Variants in EPC1 observed in about 807,000 individuals in gnomAD.
EPC1 encodes enhancer of polycomb 1, also known as enhancer of polycomb homolog 1.
A neutral mutation model predicts 98.4 loss-of-function variants in EPC1; 12 were observed. The ratio of observed to expected loss-of-function variants is 0.12; its 90% CI spans 0.08 to 0.20. The LOEUF (loss-of-function observed/expected upper bound fraction) is 0.20. Ranked by LOEUF, EPC1 falls within the 10% of genes least tolerant of loss-of-function variation. The pLI is 1.00. For synonymous variants in EPC1, 357 were observed against 363.9 expected, an observed-to-expected ratio of 0.98 and a Z score of 0.21; for missense variants, 729 against 990.5, an observed-to-expected ratio of 0.74 and a Z score of 3.54.
chr10:32,375,665 G>A (rs943954953), intron 1 of EPC1, among the ~76,000 whole-genome samples: 1 of 151,908 alleles, frequency 6.6e-6, no homozygotes, highest in Non-Finnish European at 1.5e-5. Context: ...CTCCATCAGA[G>A]GGATGGGCAG....
intron 1 of EPC1, among the ~76,000 whole-genome samples, chr10:32,316,021 C>A (rs1275850230): frequency 6.6e-6 from 1 of 152,178 alleles, no homozygotes; most frequent in Non-Finnish European, 1.5e-5. Context: ...CCCCTTTTCA[C>A]TCACTCTGCT....
At chr10:32,352,191 C>T (rs1839133605) in intron 1 of EPC1, among the ~76,000 whole-genome samples, 1 of 149,914 alleles carries the variant, frequency 6.7e-6, no homozygotes, top group African/African-American at 2.5e-5. Flanking sequence ...ACTACAGGCA[C>T]CTGCCACCAC....
intron 2 of EPC1, among the ~76,000 whole-genome samples, chr10:32,297,899 A>G (rs978714506): frequency 3.7e-4 from 56 of 151,810 alleles, no homozygotes; most frequent in African/African-American, 1.3e-3. Context: ...CCGGATTAAC[A>G]CCATTCTCCT....
At chr10:32,336,374 C>T (rs11008885) in intron 1 of EPC1, among the ~76,000 whole-genome samples, 2,751 of 152,014 alleles carry the variant, frequency 0.018, 82 homozygotes, top group African/African-American at 0.062. Flanking sequence ...GGCCTACTAC[C>T]TAATTTTTAA....
Position 32,367,338 on chromosome 10 carries a change from G to A in EPC1, c.3+11153C>T, listed in dbSNP as rs115768852. Among the ~76,000 whole-genome samples, 424 of 152,204 alleles carry A rather than the reference G, an allele frequency of 2.8e-3. 3 individuals carry two copies. The highest frequency in any genetic ancestry group is 9.8e-3 in the African/African-American group (409 of 41,524). ...AAGACTGGCATGAGCCACCGTCCCC[G>A]GCCCCAAACTTTTTTAAAACAATAG... On this transcript the variant is annotated intron_variant, in intron 1 of 13. Coordinates refer to the EPC1 transcript ENST00000375110.
chr10:32,343,920 A>G (rs1434090682), intron 1 of EPC1, among the ~76,000 whole-genome samples: 1 of 152,250 alleles, frequency 6.6e-6, no homozygotes, highest in African/African-American at 2.4e-5. Context: ...ATTTTGATCA[A>G]TAAAATGCTT....
intron 1 of EPC1, among the ~76,000 whole-genome samples, chr10:32,368,544 T>G (rs1423524740): frequency 6.6e-6 from 1 of 152,134 alleles, no homozygotes; most frequent in South Asian, 2.1e-4. Context: ...GTTTTTTTTG[T>G]TTGTTTTGTT....
chr10:32,375,472 A>T (rs577933347), intron 1 of EPC1, among the ~76,000 whole-genome samples: 1 of 152,204 alleles, frequency 6.6e-6, no homozygotes, highest in Non-Finnish European at 1.5e-5. Context: ...GTGTTGGTTC[A>T]TTACATTGTC....
At chr10:32,367,563 AT>A (rs1214754799) in intron 1 of EPC1, among the ~76,000 whole-genome samples, 2 of 152,230 alleles carry the variant, frequency 1.3e-5, no homozygotes, top group African/African-American at 4.8e-5. Flanking sequence ...TAAACTTTCA[AT>A]TCTTTTTAAA....
intron 1 of EPC1, among the ~76,000 whole-genome samples, chr10:32,361,233 CTTTTTTCTAGCTCTGT>C (rs1412073820): frequency 1.3e-5 from 2 of 152,194 alleles, no homozygotes; most frequent in African/African-American, 4.8e-5. Context: ...CTCAGCTCTG[CTTTTTTCTAGCTCTGT>C]AAACATGAAT....
intron 1 of EPC1, among the ~76,000 whole-genome samples, chr10:32,365,555 G>T (rs1344894981): frequency 3.3e-5 from 5 of 152,112 alleles, no homozygotes; most frequent in African/African-American, 4.8e-5. Context: ...GTTCATGCAT[G>T]TAATCCTAGC....
At chr10:32,341,313 A>ATGTCTGTGTGTGTG (rs1165066402) in intron 1 of EPC1, among the ~76,000 whole-genome samples, 5 of 113,510 alleles carry the variant, frequency 4.4e-5, no homozygotes, top group East Asian at 2.8e-4. Flanking sequence ...ACATGGACAC[A>ATGTCTGTGTGTGTG]TGTCTGTGTG....
At chr10:32,272,003 A>T in intron 12 of EPC1, 23 bp downstream of exon 12, 1 of 1,603,138 alleles carries the variant, frequency 6.2e-7, no homozygotes, top group Non-Finnish European at 8.5e-7. Context: ...TAACCCAAAC[A>T]ATTTAAATGT....
At chr10:32,291,401 G>T in intron 5 of EPC1, 79 bp from the exon 6 acceptor site, 1 of 1,089,922 alleles carries the variant, frequency 9.2e-7, no homozygotes, top group Non-Finnish European at 1.3e-6. Context: ...CATTTATACT[G>T]TGAAATAATT....
intron 1 of EPC1, among the ~76,000 whole-genome samples, chr10:32,317,232 G>A (rs953896522): frequency 7.2e-5 from 11 of 152,182 alleles, no homozygotes; most frequent in South Asian, 2.1e-4. Context: ...CACGCCTAAA[G>A]CATGTAAGTA....
Position 32,346,743 on chromosome 10 carries a change from A to G in EPC1, c.153+20T>C. On this transcript the variant is annotated intron_variant, in intron 1 of 13. Coordinates refer to ENST00000319778, the MANE Select transcript of EPC1 (RefSeq NM_001272004.3). The stretch of plus-strand genomic sequence containing the variant: ...GGGAGCGGGCCTGACGGTGGGTCGG[A>G]CAGGGGAGTTAACACGTACCGACTC... The G allele has an allele frequency of 6.2e-7, 1 of 1,611,184 alleles. No homozygotes were observed. The highest frequency in any genetic ancestry group is 8.5e-7 in the Non-Finnish European group (1 of 1,177,688).
At chr10:32,299,277 C>G (rs376852648) in intron 2 of EPC1, among the ~76,000 whole-genome samples, 65 of 152,278 alleles carry the variant, frequency 4.3e-4, no homozygotes, top group African/African-American at 1.4e-3. Flanking sequence ...CCTCTGCCTC[C>G]TGAGTTCAAG....
intron 2 of EPC1, among the ~76,000 whole-genome samples, chr10:32,303,781 T>C (rs1476585091): frequency 6.6e-6 from 1 of 152,200 alleles, no homozygotes; most frequent in Non-Finnish European, 1.5e-5. Context: ...CACACACACA[T>C]ATGTGGTACA....
intron 2 of EPC1, among the ~76,000 whole-genome samples, chr10:32,295,721 A>G (rs1835113374): frequency 6.6e-6 from 1 of 152,216 alleles, no homozygotes; most frequent in South Asian, 2.1e-4. Flanking sequence ...CTGAATTTAT[A>G]TTAATTAAAT....
Sources: allele counts gnomAD v4.1 joint callset (sites outside exome capture counted in the v4.1 genomes callset), GRCh38; gene constraint gnomAD v4.1.1; transcripts MANE v1.5; gene names NCBI Gene and HGNC (gene_info 2026-07-23, HGNC 2026-07-21).